MPHOSPH9: variants seen among roughly 807,000 people sequenced by gnomAD.
MPHOSPH9 encodes the protein M-phase phosphoprotein 9.
In MPHOSPH9, 88 loss-of-function variants were observed where a neutral mutation model predicts 145.5. The observed-to-expected ratio is 0.60, with a 90% CI of 0.51 to 0.72. The LOEUF is 0.72. MPHOSPH9 is among the 30% of genes least tolerant of loss of function. The probability of loss-of-function intolerance (pLI) is 0.00; values close to 1 mark genes in which losing one functional copy is unlikely to be tolerated. For missense variants in MPHOSPH9, 1,238 were observed against 1,386.6 expected (o/e 0.89, Z 1.70); for synonymous variants, 435 against 486.2 (o/e 0.89, Z 1.39).
At chr12:123,226,334 T>G in intron 3 of MPHOSPH9, 2 of 1,171,102 alleles carry the variant, frequency 1.7e-6, no homozygotes, top group Non-Finnish European at 2.2e-6. Context: ...TAATCTTTCA[T>G]TTCGCTTACT....
intron 13 of MPHOSPH9, among the ~76,000 whole-genome samples, chr12:123,182,261 G>GTTC (rs1555220931): frequency 4.5e-4 from 28 of 61,840 alleles, no homozygotes; most frequent in Non-Finnish European, 8.4e-4. Flanking sequence ...TTTTTTTTTT[G>GTTC]TTTTTTTTTT....
At chr12:123,205,207 T>G (rs1379545848) in intron 8 of MPHOSPH9, among the ~76,000 whole-genome samples, 13 of 152,230 alleles carry the variant, frequency 8.5e-5, no homozygotes, top group Non-Finnish European at 1.9e-4. Flanking sequence ...TATGTATTTT[T>G]AAAACCTTGT....
At chr12:123,224,035 A>G (rs749856383) in intron 3 of MPHOSPH9, among the ~76,000 whole-genome samples, 24 of 149,576 alleles carry the variant, frequency 1.6e-4, no homozygotes, top group Non-Finnish European at 2.8e-4. Context: ...CCCGTGTTCA[A>G]GCAATTCTCA....
intron 17 of MPHOSPH9, among the ~76,000 whole-genome samples, chr12:123,165,982 C>T (rs1314291490): frequency 6.6e-6 from 1 of 152,220 alleles, no homozygotes; most frequent in Non-Finnish European, 1.5e-5. Flanking sequence ...AGTGCTTTCC[C>T]ATCCTTCTAG....
At position 123,221,838 on chromosome 12, in the gene MPHOSPH9, C is replaced by T; in HGVS notation, c.406G>A (p.Ala136Thr). ...VKLQTSSASL[A>T]SCEGNSSNKQ... The stretch of plus-strand genomic sequence containing the variant: ...TTTGAAGAATTTCCTTCACAGGAAG[C>T]TAAGGAAGCACTACTAGTCTGTAAT... The change falls in exon 5 of 24, where the codon GCT becomes ACT. Residue 136 changes from alanine (A) to threonine (T), a missense_variant. Around this residue, in one of 3 missense-constraint regions of MPHOSPH9, gnomAD observed 837 missense variants for 897.5 expected, o/e 0.93. Transcript: ENST00000606320. The T allele has an allele frequency of 1.2e-6, 2 of 1,612,282 alleles. No individual in the cohort carries two copies. Among genetic ancestry groups the T allele is most frequent in the Non-Finnish European group, 1.7e-6 (2 of 1,179,440 alleles).
intron 13 of MPHOSPH9, among the ~76,000 whole-genome samples, chr12:123,190,785 G>A (rs1284564980): frequency 6.6e-6 from 1 of 152,152 alleles, no homozygotes. Context: ...GTACCTCTAG[G>A]GTGGGGAAGA....
At chr12:123,191,540 G>A (rs529312223) in intron 13 of MPHOSPH9, among the ~76,000 whole-genome samples, 2 of 152,200 alleles carry the variant, frequency 1.3e-5, no homozygotes, top group Non-Finnish European at 2.9e-5. Flanking sequence ...TGATCTGCCC[G>A]CCTCGGCTGC....
At position 123,225,973 on chromosome 12, in the gene MPHOSPH9, T is replaced by A. The variant is rs2047421892; in HGVS notation, c.258+1490A>T. Among the ~76,000 whole-genome samples, 3 of 152,142 alleles carry A rather than the reference T, an allele frequency of 2.0e-5. No individual in the cohort carries two copies. In the South Asian group the frequency reaches 6.2e-4, roughly 32 times the overall value. On this transcript the variant is annotated intron_variant, in intron 3 of 23. Coordinates refer to ENST00000606320, the MANE Select transcript of MPHOSPH9 (RefSeq NM_022782.4). ...ATCACTTGAACCTGGGAGGCAGTGG[T>A]GGCAGTGAGCCGAGATCGCACCATA...
upstream of MPHOSPH9, among the ~76,000 whole-genome samples, chr12:123,235,999 G>A (rs930394413): frequency 6.6e-6 from 1 of 152,068 alleles, no homozygotes; most frequent in Non-Finnish European, 1.5e-5. Context: ...GGGAGGCAAA[G>A]GTTGTAGTGA....
At chr12:123,205,182 G>A (rs2046372050) in intron 8 of MPHOSPH9, among the ~76,000 whole-genome samples, 1 of 152,190 alleles carries the variant, frequency 6.6e-6, no homozygotes. Flanking sequence ...TACGTAGGCT[G>A]CAGAGCACCA....
chr12:123,203,941 C>T (rs2046318845), intron 8 of MPHOSPH9, among the ~76,000 whole-genome samples: 1 of 152,142 alleles, frequency 6.6e-6, no homozygotes, highest in Non-Finnish European at 1.5e-5. Flanking sequence ...CCCACCTTAG[C>T]TTCCCAAAGT....
chr12:123,154,974 G>A lies in MPHOSPH9; in HGVS notation c.*1833C>T, dbSNP rs2043831952. 4 of 142,354 alleles carry A rather than the reference G, an allele frequency of 2.8e-5. No homozygotes were observed. The South Asian group carries it at 9.5e-4, about 34-fold the overall frequency. The allele number at this position is 142,354 out of a possible 1,614,324, so 8.8% of individuals were successfully genotyped here. ...GTTTGAGACCAGCCTGGCCAATATG[G>A]TGAAACACCATCTCTACTAAAAAAA... is the stretch of plus-strand genomic sequence containing the variant. On this transcript the variant is annotated 3_prime_UTR_variant, in exon 24 of 24. Transcript: ENST00000606320.
At chr12:123,152,526 G>GTAAAAAT (rs1288891737), downstream of MPHOSPH9, 3 of 455,352 alleles carry the variant, frequency 6.6e-6, no homozygotes, top group Middle Eastern at 6.6e-4. Flanking sequence ...ATTGTTAGAT[G>GTAAAAAT]TAAAAATTAT....
intron 14 of MPHOSPH9, 62 bp downstream of exon 14, chr12:123,181,101 G>T: frequency 6.8e-7 from 1 of 1,470,988 alleles, no homozygotes; most frequent in Non-Finnish European, 9.5e-7. Context: ...CAGATCCCTT[G>T]ATTCCCAATC....
intron 16 of MPHOSPH9, among the ~76,000 whole-genome samples, chr12:123,168,242 A>C (rs1426555949): frequency 6.6e-6 from 1 of 151,306 alleles, no homozygotes; most frequent in Non-Finnish European, 1.5e-5. Context: ...CTCAACTCCT[A>C]CCACTGAGCT....
At chr12:123,242,129 A>C (rs953568096) in intron 1 of MPHOSPH9, among the ~76,000 whole-genome samples, 1 of 152,186 alleles carries the variant, frequency 6.6e-6, no homozygotes, top group Non-Finnish European at 1.5e-5. Context: ...CCTTTTGTAA[A>C]TTCCTTAGAC....
At chr12:123,172,870 A>ACT (rs2044648125) in intron 16 of MPHOSPH9, among the ~76,000 whole-genome samples, 1 of 32,738 alleles carries the variant, frequency 3.1e-5, no homozygotes, top group Non-Finnish European at 9.4e-5. Flanking sequence ...GTTTTCATTC[A>ACT]CTTTTTTTTT....
rs2044339242 is a variant in MPHOSPH9, at chr12:123,166,772, T to C, written c.2474A>G (p.Asp825Gly). 1 of 1,613,310 alleles carries C rather than the reference T, an allele frequency of 6.2e-7. No individual in the cohort carries two copies. The highest frequency in any genetic ancestry group is 1.3e-5 in the African/African-American group (1 of 74,966). ...PSRANTLATS[D>G]VSRRKWLIPG... The stretch of plus-strand genomic sequence containing the variant: ...AATCAGCCATTTCCGCCTGCTGACG[T>C]CTGAAGTTGCTAGTGTGCTATTAGA... The change falls in exon 17 of 24, where the codon GAC becomes GGC. Residue 825 changes from aspartate (D) to glycine (G), a missense_variant. Asp to Gly is a moderately conservative substitution (Grantham distance 94). Transcript: ENST00000606320.
intron 13 of MPHOSPH9, among the ~76,000 whole-genome samples, chr12:123,191,848 C>T (rs1441783612): frequency 6.6e-6 from 1 of 152,094 alleles, no homozygotes; most frequent in East Asian, 1.9e-4. Context: ...GGTAAAGAAC[C>T]GCAATCCACT....
Sources: allele counts gnomAD v4.1 joint callset (sites outside exome capture counted in the v4.1 genomes callset), GRCh38; gene constraint gnomAD v4.1.1; regional missense constraint gnomAD v4.1.1; transcripts MANE v1.5; gene names NCBI Gene and HGNC (gene_info 2026-07-23, HGNC 2026-07-21).